The following TBXAS1 variants were observed in gnomAD, a reference collection of about 807,000 sequenced individuals.
TBXAS1 encodes thromboxane-A synthase.
In TBXAS1, 48 loss-of-function variants were observed where a neutral mutation model predicts 60.7. That is an observed-to-expected ratio of 0.79 (90% CI 0.63 to 1.01). The LOEUF (loss-of-function observed/expected upper bound fraction) is 1.01. TBXAS1 is among the 50% of genes least tolerant of loss of function. TBXAS1 has a pLI of 0.00. For synonymous variants in TBXAS1, 287 were observed against 269.7 expected, an observed-to-expected ratio of 1.06 and a Z score of -0.63; for missense variants, 685 against 686.3, an observed-to-expected ratio of 1.00 and a Z score of 0.02.
At chr7:139,817,181 G>A (rs1798169728) in intron 4 of TBXAS1, among the ~76,000 whole-genome samples, 1 of 152,068 alleles carries the variant, frequency 6.6e-6, no homozygotes, top group Non-Finnish European at 1.5e-5. Flanking sequence ...GGATCTCCCA[G>A]TGGGTCTCCC....
At chr7:139,984,635 AG>A (rs1812218845) in intron 9 of TBXAS1, among the ~76,000 whole-genome samples, 2 of 130,980 alleles carry the variant, frequency 1.5e-5, no homozygotes, top group African/African-American at 6.0e-5. Context: ...AGAGAGAGAG[AG>A]AGAGAGAAAG....
In TBXAS1 at chr7:139,959,300, T is replaced by C. The variant is rs549863799; in HGVS notation, c.819+1536T>C. Among the ~76,000 whole-genome samples, 8 of 152,352 alleles carry C rather than the reference T, an allele frequency of 5.3e-5. No individual in the cohort carries two copies. In the South Asian group the frequency reaches 1.4e-3, roughly 28 times the overall value. On this transcript the variant is annotated intron_variant, in intron 8 of 12. Coordinates refer to ENST00000448866, the MANE Select transcript of TBXAS1 (RefSeq NM_001061.7). Reference sequence around the variant, plus strand: ...GCTTTAAAACCATCTAAAGTCTGTATACATTCCATCAAGCAGATGTGTGTT... The same window carrying C: ...GCTTTAAAACCATCTAAAGTCTGTACACATTCCATCAAGCAGATGTGTGTT...
Position 139,936,116 on chromosome 7 carries a change from G to T in TBXAS1, c.334-75G>T, listed in dbSNP as rs1807746635. On this transcript the variant is annotated intron_variant, in intron 4 of 12. Transcript: ENST00000448866. ...CTGATGGACTTTAACCAGGGTGTTTGTCATGGACCTGTATTGCCACCAAGG... is the reference window on the plus strand; with the variant it reads ...CTGATGGACTTTAACCAGGGTGTTTTTCATGGACCTGTATTGCCACCAAGG... 1.9e-5 allele frequency: 27 copies of T among 1,386,600 alleles called. No individual in the cohort carries two copies. In the South Asian group the frequency reaches 2.6e-4, roughly 13 times the overall value. The allele number at this position is 1,386,600 out of a possible 1,614,324, so 85.9% of individuals were successfully genotyped here.
At chr7:139,783,368 C>G (rs1428876844) in intron 3 of TBXAS1, among the ~76,000 whole-genome samples, 10 of 144,686 alleles carry the variant, frequency 6.9e-5, no homozygotes, top group African/African-American at 2.3e-4. Context: ...AAAAAAAATG[C>G]AATCAGCCTA....
At chr7:139,971,039 T>C (rs1811157835) in intron 9 of TBXAS1, among the ~76,000 whole-genome samples, 1 of 152,194 alleles carries the variant, frequency 6.6e-6, no homozygotes. Flanking sequence ...GCCATTTCTT[T>C]GGTGGCCTAG....
chr7:139,833,117 A>G lies in TBXAS1; in HGVS notation c.89+3638A>G, dbSNP rs115862084. 7.5e-3 allele frequency among the ~76,000 whole-genome samples: 1,137 copies of G among 152,292 alleles called. 12 individuals are homozygous for G. The highest frequency in any genetic ancestry group is 0.025 in the African/African-American group (1,052 of 41,574). Reference sequence around the variant, plus strand: ...AAAGTACAGAGGCAACAAAGAGCCCAATGAATGCAATGGTACCTCACATTT... The same window carrying G: ...AAAGTACAGAGGCAACAAAGAGCCCGATGAATGCAATGGTACCTCACATTT... On this transcript the variant is annotated intron_variant, in intron 1 of 12. Coordinates refer to ENST00000448866, the MANE Select transcript of TBXAS1 (RefSeq NM_001061.7).
chr7:139,826,909 A>G (rs960830083), upstream of TBXAS1, among the ~76,000 whole-genome samples: 1 of 151,804 alleles, frequency 6.6e-6, no homozygotes, highest in Non-Finnish European at 1.5e-5. Flanking sequence ...ACAATACCTC[A>G]CCTTTCCCAG....
intron 7 of TBXAS1, among the ~76,000 whole-genome samples, chr7:139,956,115 G>A (rs1005577278): frequency 3.9e-5 from 6 of 152,026 alleles, no homozygotes; most frequent in East Asian, 3.9e-4. Context: ...CCCAATGCAC[G>A]AGGACCAGTC....
At chr7:139,977,121 A>G (rs980500573) in intron 9 of TBXAS1, among the ~76,000 whole-genome samples, 7 of 152,220 alleles carry the variant, frequency 4.6e-5, no homozygotes, top group African/African-American at 1.7e-4. Flanking sequence ...CCCAAACCCA[A>G]GAGGTCATCT....
chr7:139,835,010 A>C (rs1221272947), intron 1 of TBXAS1, among the ~76,000 whole-genome samples: 1 of 152,070 alleles, frequency 6.6e-6, no homozygotes, highest in Non-Finnish European at 1.5e-5. Flanking sequence ...GAAAGGACAC[A>C]ACCAAAAAAG....
At chr7:139,928,856 A>C (rs770673777) in intron 4 of TBXAS1, among the ~76,000 whole-genome samples, 8 of 152,260 alleles carry the variant, frequency 5.3e-5, no homozygotes, top group Non-Finnish European at 1.2e-4. Flanking sequence ...AATCTTTTTT[A>C]AATGGGAGTA....
intron 5 of TBXAS1, among the ~76,000 whole-genome samples, chr7:139,950,737 C>T (rs1319030715): frequency 8.2e-6 from 1 of 121,408 alleles, no homozygotes; most frequent in Non-Finnish European, 1.8e-5. Context: ...GACCCCCTCG[C>T]CCTCCATCTA....
At chr7:139,945,324 T>A (rs775142676) in intron 5 of TBXAS1, among the ~76,000 whole-genome samples, 1 of 152,198 alleles carries the variant, frequency 6.6e-6, no homozygotes, top group African/African-American at 2.4e-5. Context: ...CAGCCCTTCA[T>A]TTAGGGATGA....
intron 9 of TBXAS1, among the ~76,000 whole-genome samples, chr7:140,001,176 C>G (rs1364637879): frequency 6.6e-6 from 1 of 152,198 alleles, no homozygotes; most frequent in Non-Finnish European, 1.5e-5. Context: ...GAGATTTCCC[C>G]CCAGCTCTAA....
At chr7:139,915,809 G>A (rs1388043441) in intron 4 of TBXAS1, among the ~76,000 whole-genome samples, 1 of 152,226 alleles carries the variant, frequency 6.6e-6, no homozygotes, top group African/African-American at 2.4e-5. Context: ...ACACTGGCTG[G>A]AGCAGACTGT....
chr7:139,938,853 A>G (rs1224796583), intron 5 of TBXAS1, among the ~76,000 whole-genome samples: 1 of 152,260 alleles, frequency 6.6e-6, no homozygotes, highest in African/African-American at 2.4e-5. Flanking sequence ...AATAAGGTTT[A>G]GCAGTCCTGG....
chr7:139,851,944 A>G (rs1800245168), intron 1 of TBXAS1, among the ~76,000 whole-genome samples: 1 of 152,156 alleles, frequency 6.6e-6, no homozygotes, highest in Admixed American at 6.5e-5. Context: ...AGATTAGATT[A>G]TTGGAGACTG....
chr7:139,866,699 G>A (rs1303636705), intron 1 of TBXAS1, among the ~76,000 whole-genome samples: 2 of 151,792 alleles, frequency 1.3e-5, no homozygotes, highest in Admixed American at 6.6e-5. Context: ...TAGAGGCTAC[G>A]GTGAGCTGAA....
intron 3 of TBXAS1, among the ~76,000 whole-genome samples, chr7:139,905,074 T>C (rs1206481895): frequency 2.0e-5 from 1 of 50,556 alleles, no homozygotes; most frequent in Non-Finnish European, 3.5e-5. Flanking sequence ...TCTCTCTCTC[T>C]CTTTCTCTTT....
Sources: allele counts gnomAD v4.1 joint callset (sites outside exome capture counted in the v4.1 genomes callset), GRCh38; gene constraint gnomAD v4.1.1; transcripts MANE v1.5; gene names NCBI Gene and HGNC (gene_info 2026-07-23, HGNC 2026-07-21).